Variants in MEGF10 observed in about 807,000 individuals in gnomAD.
The protein encoded by MEGF10 is multiple EGF like domains 10.
Under a neutral mutation model 147.5 loss-of-function variants are expected in MEGF10, and 86 were observed. The ratio of observed to expected loss-of-function variants is 0.58; its 90% CI spans 0.49 to 0.70. The LOEUF (loss-of-function observed/expected upper bound fraction) is 0.70, where lower values mean the gene tolerates loss of function less well. Among genes scored for constraint, MEGF10 ranks in the 30% least tolerant of loss-of-function variants. The probability of loss-of-function intolerance (pLI) is 0.00; values close to 1 mark genes in which losing one functional copy is unlikely to be tolerated. For synonymous variants in MEGF10, 478 were observed against 525.5 expected (o/e 0.91, Z 1.24); for missense variants, 1,329 against 1,487.3 (o/e 0.89, Z 1.75).
chr5:127,239,595 C>A, the MEGF10 span, among the ~76,000 whole-genome samples: 1 of 151,356 alleles, frequency 6.6e-6, no homozygotes, highest in Non-Finnish European at 1.5e-5. Flanking sequence ...GTAGTACTCT[C>A]ATGACTTTTC....
Position 127,398,586 on chromosome 5 carries a change from T to C in MEGF10, c.660-90T>C. ...TGAACAATTATTGAACACAGAAAGC[T>C]TGTCTATTTTGGGGACCCTGGGTAC... is the stretch of plus-strand genomic sequence containing the variant. On this transcript the variant is annotated intron_variant, in intron 6 of 24. Transcript: ENST00000503335. 2.8e-6 allele frequency: 4 copies of C among 1,439,618 alleles called. No homozygotes were observed. The East Asian group carries it at 9.1e-5, about 33-fold the overall frequency. 89.2% of individuals were successfully genotyped at this position (1,439,618 alleles called of 1,614,324 possible).
chr5:127,396,985 C>T (rs1763941265), intron 6 of MEGF10, among the ~76,000 whole-genome samples: 1 of 152,168 alleles, frequency 6.6e-6, no homozygotes, highest in Non-Finnish European at 1.5e-5. Context: ...AGATCCCAGC[C>T]TGAATCTAAG....
intron 5 of MEGF10, among the ~76,000 whole-genome samples, chr5:127,378,685 C>G (rs896648594): frequency 6.6e-6 from 1 of 152,194 alleles, no homozygotes; most frequent in African/African-American, 2.4e-5. Context: ...CTCTGGGGCT[C>G]AAGAGATCCT....
At chr5:127,366,062 TGTTA>T (rs572307009) in intron 4 of MEGF10, among the ~76,000 whole-genome samples, 103 of 152,080 alleles carry the variant, frequency 6.8e-4, no homozygotes, top group Non-Finnish European at 1.3e-3. Flanking sequence ...ATGTGGAGCA[TGTTA>T]GTTATAGAAG....
chr5:127,241,648 G>A, the MEGF10 span, among the ~76,000 whole-genome samples: 1 of 152,184 alleles, frequency 6.6e-6, no homozygotes, highest in East Asian at 1.9e-4. Context: ...TATTAGTTTG[G>A]TGCAAAAGTA....
chr5:127,379,041 C>G (rs1763146404), intron 5 of MEGF10, among the ~76,000 whole-genome samples: 1 of 148,884 alleles, frequency 6.7e-6, no homozygotes, highest in Non-Finnish European at 1.5e-5. Flanking sequence ...TTTAACTCCA[C>G]TTCATATCAT....
At chr5:127,365,906 A>G (rs1352980837) in intron 4 of MEGF10, among the ~76,000 whole-genome samples, 3 of 152,156 alleles carry the variant, frequency 2.0e-5, no homozygotes, top group Admixed American at 1.3e-4. Flanking sequence ...GGACAACCAC[A>G]CTTATAATGG....
At chr5:127,383,460 A>G (rs1031793071) in intron 5 of MEGF10, among the ~76,000 whole-genome samples, 7 of 152,068 alleles carry the variant, frequency 4.6e-5, no homozygotes, top group Admixed American at 4.6e-4. Context: ...AGAGTGAGAT[A>G]AATAAATAAA....
chr5:127,235,968 G>T, the MEGF10 span, among the ~76,000 whole-genome samples: 2 of 127,604 alleles, frequency 1.6e-5, no homozygotes, highest in Admixed American at 1.7e-4. Context: ...GTTAGCCCAG[G>T]GTCGGCAAAC....
chr5:127,428,938 G>A (rs987884006), intron 13 of MEGF10, among the ~76,000 whole-genome samples: 1 of 152,176 alleles, frequency 6.6e-6, no homozygotes, highest in Non-Finnish European at 1.5e-5. Context: ...GAGCTGCTTA[G>A]CTGAAGTTTA....
chr5:127,411,159 T>A (rs948414717), intron 9 of MEGF10, among the ~76,000 whole-genome samples: 10 of 152,180 alleles, frequency 6.6e-5, no homozygotes, highest in African/African-American at 2.2e-4. Flanking sequence ...AAGGGACTTT[T>A]AGCTCAAAAA....
the MEGF10 span, among the ~76,000 whole-genome samples, chr5:127,264,088 CT>C: frequency 1.3e-5 from 2 of 152,234 alleles, no homozygotes; most frequent in Non-Finnish European, 2.9e-5. Flanking sequence ...TAAATTGCCC[CT>C]ATCCCTTTTC....
intron 23 of MEGF10, 74 bp from the exon 24 acceptor site, chr5:127,455,327 A>G: frequency 8.0e-7 from 1 of 1,254,576 alleles, no homozygotes; most frequent in South Asian, 1.3e-5. Context: ...ATAAAGAAAA[A>G]CAGTAAAATA....
intron 1 of MEGF10, among the ~76,000 whole-genome samples, chr5:127,327,097 C>T (rs1249861279): frequency 6.6e-6 from 1 of 152,190 alleles, no homozygotes; most frequent in Non-Finnish European, 1.5e-5. Context: ...ATAAGCAAAG[C>T]TTGCCTTCCA....
At chr5:127,271,632 C>T in the MEGF10 span, among the ~76,000 whole-genome samples, 1 of 151,968 alleles carries the variant, frequency 6.6e-6, no homozygotes, top group African/African-American at 2.4e-5. Context: ...GTGGCCACCC[C>T]CCATGCTGTT....
chr5:127,308,471 G>C (rs1156536008), intron 1 of MEGF10, among the ~76,000 whole-genome samples: 1 of 152,022 alleles, frequency 6.6e-6, no homozygotes, highest in Non-Finnish European at 1.5e-5. Flanking sequence ...CGCCCTTTTG[G>C]TTTCCGTGTA....
the MEGF10 span, among the ~76,000 whole-genome samples, chr5:127,255,989 C>A: frequency 6.6e-6 from 1 of 152,146 alleles, no homozygotes; most frequent in Non-Finnish European, 1.5e-5. Context: ...ACTGCCCCAA[C>A]AGGCACCAGA....
chr5:127,369,876 A>G (rs1554094962), intron 4 of MEGF10, 34 bp from the exon 5 acceptor site: 9 of 1,568,910 alleles, frequency 5.7e-6, no homozygotes, highest in South Asian at 1.2e-5. Flanking sequence ...TCTTGTGCCA[A>G]CTTTCTTTAT....
chr5:127,384,722 G>A (rs932142714), intron 5 of MEGF10, among the ~76,000 whole-genome samples: 2 of 152,356 alleles, frequency 1.3e-5, no homozygotes, highest in South Asian at 2.1e-4. Flanking sequence ...CACGGTGATC[G>A]TTGGCACTCT....
Sources: gnomAD v4.1 joint callset for allele counts (sites outside exome capture counted in the v4.1 genomes callset) on GRCh38, gnomAD v4.1.1 for gene constraint, MANE v1.5 for transcripts, NCBI Gene and HGNC (gene_info 2026-07-23, HGNC 2026-07-21) for gene names.